The following DERA variants were observed in gnomAD, a reference collection of about 807,000 sequenced individuals.
The protein encoded by DERA is deoxyribose-phosphate aldolase.
In DERA, 15 loss-of-function variants were observed where a neutral mutation model predicts 41.1. The observed-to-expected ratio is 0.37, with a 90% confidence interval of 0.24 to 0.56. The LOEUF is 0.56. Ranked by LOEUF, DERA falls within the 20% of genes least tolerant of loss-of-function variation. The pLI, the probability that DERA is intolerant of heterozygous loss-of-function variation, is 0.81. For missense variants in DERA, 396 were observed against 403.4 expected, an observed-to-expected ratio of 0.98 and a Z score of 0.16; for synonymous variants, 139 against 137.4, an observed-to-expected ratio of 1.01 and a Z score of -0.08.
At chr12:16,027,621 A>G (rs1377173279) in intron 6 of DERA, among the ~76,000 whole-genome samples, 1 of 152,198 alleles carries the variant, frequency 6.6e-6, no homozygotes, top group Non-Finnish European at 1.5e-5. Flanking sequence ...AGAGGCAAGG[A>G]ACAGATTATC....
chr12:15,962,995 G>A (rs1165563329), intron 5 of DERA, 48 bp downstream of exon 5: 2 of 1,574,350 alleles, frequency 1.3e-6, no homozygotes, highest in Non-Finnish European at 1.7e-6. Flanking sequence ...CTTCCCTGGT[G>A]AATCAGATGA....
chr12:15,924,963 T>C lies in DERA; in HGVS notation c.31+13549T>C, dbSNP rs537835235. Among the ~76,000 whole-genome samples, 4 of 152,344 alleles carry C rather than the reference T, an allele frequency of 2.6e-5. No individual in the cohort carries two copies. The South Asian group carries it at 6.2e-4, about 24-fold the overall frequency. ...CTTATGTCACCTTGAACAGTACTTT[T>C]CATAATGTGAAGACTTGTTTTCATC... On this transcript the variant is annotated intron_variant, in intron 1 of 8. Transcript: ENST00000428559. This position sits in a 1 kb window ranked among gnomAD's most constrained non-coding sequence, Gnocchi z 5.0.
intron 5 of DERA, among the ~76,000 whole-genome samples, chr12:15,973,398 A>T (rs1219183953): frequency 1.5e-5 from 1 of 67,212 alleles, no homozygotes; most frequent in African/African-American, 5.2e-5. Flanking sequence ...GTGGTATTGG[A>T]ATTCCATTTT....
rs1302352918 is a variant in DERA, at chr12:15,957,205, C to T, written c.129+172C>T. 6.6e-6 allele frequency among the ~76,000 whole-genome samples: 1 copy of T among 152,182 alleles called. No homozygotes were observed. The highest frequency in any genetic ancestry group is 2.4e-5 in the African/African-American group (1 of 41,428). ...ATGATGATGGGTTGGAGAAAGATAA[C>T]ACATTTATCCAAACAAGTTAAAATC... On this transcript the variant is annotated intron_variant, in intron 2 of 8. Coordinates refer to ENST00000428559, the MANE Select transcript of DERA (RefSeq NM_015954.4). This position sits in a 1 kb window ranked among gnomAD's most constrained non-coding sequence, Gnocchi z 4.8.
rs567622641 is a variant in DERA, at chr12:15,923,064, C to T, written c.31+11650C>T. ...TTGAGACGGAGTCTCGCTCTGTCGC[C>T]CAGGCTGGAGTGCAGTGGCGCGATC... is the stretch of plus-strand genomic sequence containing the variant. On this transcript the variant is annotated intron_variant, in intron 1 of 8. Transcript: ENST00000428559. Among the ~76,000 whole-genome samples the T allele has an allele frequency of 1.5e-4, 22 of 143,728 alleles. No individual in the cohort carries two copies. In the East Asian group the frequency reaches 4.0e-3, roughly 26 times the overall value. 94.3% of individuals were successfully genotyped at this position (143,728 alleles called of 152,430 possible). A position where few individuals can be genotyped will look rare whatever the true frequency, so the allele number is the denominator to read the frequency against.
Position 15,928,530 on chromosome 12 carries a change from G to A in DERA, c.31+17116G>A, listed in dbSNP as rs1304269322. On this transcript the variant is annotated intron_variant, in intron 1 of 8. Coordinates refer to ENST00000428559, the MANE Select transcript of DERA (RefSeq NM_015954.4). The surrounding 1 kb of genome is among the most constrained non-coding windows in gnomAD (Gnocchi z 4.6). ...GCTAAGGGCTGAGATCACCCTGTTT[G>A]GACTACTTAACCCTTGAGTCATTGA... Among the ~76,000 whole-genome samples the A allele has an allele frequency of 6.6e-6, 1 of 152,138 alleles. No individual in the cohort carries two copies. The highest frequency in any genetic ancestry group is 1.5e-5 in the Non-Finnish European group (1 of 68,014).
Position 15,911,413 on chromosome 12 carries a change from C to T in DERA, c.30C>T (p.Leu10=). The change falls in exon 1 of 9, where the codon CTC becomes CTT. Residue 10 remains leucine (L), a splice_region_variant and synonymous_variant. Coordinates refer to ENST00000428559, the MANE Select transcript of DERA (RefSeq NM_015954.4). This position sits in a 1 kb window ranked among gnomAD's most constrained non-coding sequence, Gnocchi z 4.5. MSAHNRGTE[L]DLSWISKIQV... is the part of the protein sequence containing the mutation. ...CCGCGCACAATCGGGGCACCGAGCT[C>T]GGTAAGGGGCCCGCGGGGCTCCCCA... The T allele has an allele frequency of 7.1e-7, 1 of 1,409,516 alleles. No individual in the cohort carries two copies. The highest frequency in any genetic ancestry group is 1.6e-5 in the South Asian group (1 of 64,294). 87.3% of individuals were successfully genotyped at this position (1,409,516 alleles called of 1,614,324 possible).
chr12:15,965,692 A>G lies in DERA; in HGVS notation c.508+2745A>G, dbSNP rs894349557. Among the ~76,000 whole-genome samples the G allele has an allele frequency of 2.6e-5, 4 of 151,898 alleles. No homozygotes were observed. On this transcript the variant is annotated intron_variant, in intron 5 of 8. Transcript: ENST00000428559. This position sits in a 1 kb window ranked among gnomAD's most constrained non-coding sequence, Gnocchi z 4.1. ...CCATTTAAAATGTCCACTTTCCTGAAATTTCTAACTTTTCCACCCTCCTTG... is the reference window on the plus strand; with the variant it reads ...CCATTTAAAATGTCCACTTTCCTGAGATTTCTAACTTTTCCACCCTCCTTG...
chr12:15,943,118 A>C lies in DERA; in HGVS notation c.32-13818A>C, dbSNP rs529469432. On this transcript the variant is annotated intron_variant, in intron 1 of 8. Transcript: ENST00000428559. This position sits in a 1 kb window ranked among gnomAD's most constrained non-coding sequence, Gnocchi z 4.5. ...GTAAACTCTTCCACACACTTACCTG[A>C]GGCTGTTTATGGGTAGTGAGCAGAG... Among the ~76,000 whole-genome samples the C allele has an allele frequency of 9.9e-5, 15 of 152,284 alleles. No homozygotes were observed. Among genetic ancestry groups the C allele is most frequent in the Middle Eastern group, 3.4e-3 (1 of 294 alleles).
At chr12:15,948,815 C>A (rs1326098981) in intron 1 of DERA, among the ~76,000 whole-genome samples, 1 of 152,110 alleles carries the variant, frequency 6.6e-6, no homozygotes, top group Non-Finnish European at 1.5e-5. Flanking sequence ...CTGTTTTTCC[C>A]CCATCTTTGT....
intron 1 of DERA, among the ~76,000 whole-genome samples, chr12:15,925,640 T>C (rs990766178): frequency 6.6e-6 from 1 of 152,124 alleles, no homozygotes; most frequent in African/African-American, 2.4e-5. Context: ...AATTCACAGA[T>C]TTTCAAGGAA....
At chr12:15,986,953 T>C (rs1024895759) in intron 6 of DERA, among the ~76,000 whole-genome samples, 1 of 152,188 alleles carries the variant, frequency 6.6e-6, no homozygotes, top group African/African-American at 2.4e-5. Flanking sequence ...GAATATAGAG[T>C]TCTGGGTTGA....
At chr12:15,944,956 A>ATGGC (rs1415782122) in intron 1 of DERA, among the ~76,000 whole-genome samples, 3 of 152,198 alleles carry the variant, frequency 2.0e-5, no homozygotes, top group Admixed American at 2.0e-4. Context: ...ATGGCTAGCC[A>ATGGC]GTTTTGCCAG....
At position 16,036,743 on chromosome 12, in the gene DERA, T is replaced by C. The variant is rs1335585819; in HGVS notation, c.954T>C (p.Ser318=). The C allele has an allele frequency of 6.3e-7, 1 of 1,590,972 alleles. No individual in the cohort carries two copies. Among genetic ancestry groups the C allele is most frequent in the African/African-American group, 1.4e-5 (1 of 73,586 alleles). ...CAGCTTATCATGATCTTCCAATGTC[T>C]TAAATCAGTCACCAGTTCCAGAAAA... ...RYAAYHDLPM[S] The change falls in exon 9 of 9, where the codon TCT becomes TCC. Residue 318 remains serine, a synonymous_variant. Transcript: ENST00000428559. This position sits in a 1 kb window ranked among gnomAD's most constrained non-coding sequence, Gnocchi z 4.9.
chr12:15,942,262 ATT>A (rs1397923856), intron 1 of DERA, among the ~76,000 whole-genome samples: 1 of 152,022 alleles, frequency 6.6e-6, no homozygotes, highest in African/African-American at 2.4e-5. Context: ...TCTGAATGCT[ATT>A]CTTTTGTCGG....
chr12:15,980,515 T>G (rs1948725521), intron 5 of DERA, among the ~76,000 whole-genome samples: 1 of 152,184 alleles, frequency 6.6e-6, no homozygotes, highest in African/African-American at 2.4e-5. Flanking sequence ...ATCCAATTCA[T>G]TCTCTGAATT....
rs546631277 is a variant in DERA, at chr12:16,003,963, T to C, written c.637+21527T>C. On this transcript the variant is annotated intron_variant, in intron 6 of 8. Transcript: ENST00000428559. The surrounding 1 kb of genome is among the most constrained non-coding windows in gnomAD (Gnocchi z 4.8). ...CCTTCCTCTGTTTCCTAAAACATCA[T>C]TGTGCAGAATGCTTAGAAGGGGTTG... Among the ~76,000 whole-genome samples, 9 of 152,264 alleles carry C rather than the reference T, an allele frequency of 5.9e-5. No homozygotes were observed. Among genetic ancestry groups the C allele is most frequent in the African/African-American group, 2.2e-4 (9 of 41,550 alleles).
chr12:15,948,545 C>T (rs1037860626), intron 1 of DERA, among the ~76,000 whole-genome samples: 10 of 152,092 alleles, frequency 6.6e-5, no homozygotes, highest in Non-Finnish European at 1.5e-4. Flanking sequence ...GTTTTCAGCT[C>T]CATCAGGTCA....
intron 6 of DERA, among the ~76,000 whole-genome samples, chr12:16,018,145 C>A (rs998267335): frequency 2.6e-5 from 4 of 152,040 alleles, no homozygotes; most frequent in Non-Finnish European, 5.9e-5. Context: ...ACAGTAGTAG[C>A]CTTAAGATAT....
Sources: gnomAD v4.1 joint callset for allele counts (sites outside exome capture counted in the v4.1 genomes callset) on GRCh38, gnomAD v4.1.1 for gene constraint, Gnocchi (gnomAD v3.1) non-coding constraint, MANE v1.5 for transcripts, NCBI Gene and HGNC (gene_info 2026-07-23, HGNC 2026-07-21) for gene names.